NRP2: variants seen among roughly 807,000 people sequenced by gnomAD.
NRP2 encodes the protein neuropilin 2.
A neutral mutation model predicts 110.4 loss-of-function variants in NRP2; 52 were observed. The ratio of observed to expected loss-of-function variants is 0.47; its 90% confidence interval spans 0.38 to 0.59. The LOEUF is 0.59. Among genes scored for constraint, NRP2 ranks in the 20% least tolerant of loss-of-function variants. NRP2 has a pLI of 0.00. For synonymous variants in NRP2, 508 were observed against 468.9 expected, an observed-to-expected ratio of 1.08 and a Z score of -1.08; for missense variants, 1,049 against 1,203.0, an observed-to-expected ratio of 0.87 and a Z score of 1.89.
intron 16 of NRP2, among the ~76,000 whole-genome samples, chr2:205,793,631 T>G (rs967361632): frequency 2.0e-5 from 3 of 152,232 alleles, no homozygotes; most frequent in Non-Finnish European, 4.4e-5. Context: ...TCTCCTTGGC[T>G]TGGAGATGGC....
In NRP2 at chr2:205,753,953, G is replaced by T. The variant is rs189016142; in HGVS notation, c.2044+978G>T. Among the ~76,000 whole-genome samples the T allele has an allele frequency of 5.3e-5, 8 of 152,244 alleles. No homozygotes were observed. The East Asian group carries it at 1.5e-3, about 29-fold the overall frequency. On this transcript the variant is annotated intron_variant, in intron 12 of 16. Coordinates refer to ENST00000357785, the MANE Select transcript of NRP2 (RefSeq NM_003872.3). ...TAACTAGCAAGTGTTGAGTTTTGAG[G>T]ATTTGTTACCTTTGTTTTTTAATAC...
intron 15 of NRP2, 195 bp downstream of exon 15, chr2:205,766,998 G>C: frequency 1.6e-6 from 1 of 624,848 alleles, no homozygotes; most frequent in African/African-American, 1.8e-5. Context: ...GAGCCTCACT[G>C]TCTCTTGTTT....
chr2:205,727,428 G>A (rs762057504), intron 6 of NRP2, among the ~76,000 whole-genome samples: 17 of 152,228 alleles, frequency 1.1e-4, no homozygotes, highest in Non-Finnish European at 2.2e-4. Context: ...ACAATGGAGC[G>A]AGAGGGTGTG....
chr2:205,742,156 G>A (rs1239292148), intron 8 of NRP2, among the ~76,000 whole-genome samples: 1 of 152,204 alleles, frequency 6.6e-6, no homozygotes, highest in African/African-American at 2.4e-5. Flanking sequence ...TGAAGAAGGG[G>A]AACAACGTGG....
intron 10 of NRP2, among the ~76,000 whole-genome samples, chr2:205,748,692 T>C (rs982838713): frequency 5.9e-5 from 9 of 152,052 alleles, no homozygotes; most frequent in Non-Finnish European, 8.8e-5. Context: ...CAAAGGAGCA[T>C]GTATAGAAAT....
chr2:205,749,625 A>G (rs1423385488), intron 10 of NRP2, 100 bp from the exon 11 acceptor site: 3 of 946,008 alleles, frequency 3.2e-6, no homozygotes, highest in East Asian at 2.4e-5. Flanking sequence ...ACATGTGTGC[A>G]TCTTCTTTCC....
chr2:205,730,983 G>A (rs2057227930), intron 7 of NRP2, among the ~76,000 whole-genome samples: 1 of 152,238 alleles, frequency 6.6e-6, no homozygotes, highest in Non-Finnish European at 1.5e-5. Context: ...TCGCCTATGA[G>A]AAAGTGGTCA....
intron 15 of NRP2, chr2:205,776,962 A>C: frequency 9.0e-7 from 1 of 1,115,438 alleles, no homozygotes; most frequent in Non-Finnish European, 1.1e-6. Flanking sequence ...GTGTGTGTGA[A>C]TAGCTCTCTG....
rs140561530 is a variant in NRP2 at position 205,755,707 on chromosome 2, G to T, written c.2044+2732G>T. 6.3e-3 allele frequency among the ~76,000 whole-genome samples: 962 copies of T among 152,222 alleles called. 2 individuals carry two copies. Among genetic ancestry groups the T allele is most frequent in the Non-Finnish European group, 0.01 (714 of 68,006 alleles). ...GAGCAACTGCTAATGGGTTCAGAGC[G>T]GCTGGCGCCCACAGAGTCAGCCTGA... On this transcript the variant is annotated intron_variant, in intron 12 of 16. Transcript: ENST00000357785.
chr2:205,745,808 A>C lies in NRP2; in HGVS notation c.1704A>C (p.Ala568=). The C allele has an allele frequency of 6.2e-7, 1 of 1,614,190 alleles. No individual in the cohort carries two copies. Among genetic ancestry groups the C allele is most frequent in the South Asian group, 1.1e-5 (1 of 91,078 alleles). The change falls in exon 10 of 17, where the codon GCA becomes GCC. Residue 568 remains alanine, a synonymous_variant. Transcript: ENST00000357785. ...PDIRRFDPIP[A]QYVRVYPERW... ...TCCGAAGGTTTGACCCCATTCCGGC[A>C]CAGTATGTGCGGGTATACCCGGAGA...
In NRP2 at chr2:205,686,010, A is replaced by G. The variant is rs2105857208; in HGVS notation, c.73+2647A>G. Among the ~76,000 whole-genome samples, 1 of 152,280 alleles carries G rather than the reference A, an allele frequency of 6.6e-6. No individual in the cohort carries two copies. Among genetic ancestry groups the G allele is most frequent in the East Asian group, 1.9e-4 (1 of 5,160 alleles). ...GCCATCCACGTGGTGGGGACGTGATAGCCCCTCAGCTCTCCTCCTAGCCCT... is the reference window on the plus strand; with the variant it reads ...GCCATCCACGTGGTGGGGACGTGATGGCCCCTCAGCTCTCCTCCTAGCCCT... On this transcript the variant is annotated intron_variant, in intron 1 of 16. Transcript: ENST00000357785. This position sits in a 1 kb window ranked among gnomAD's most constrained non-coding sequence, Gnocchi z 4.7.
intron 1 of NRP2, among the ~76,000 whole-genome samples, chr2:205,688,940 G>A (rs758340307): frequency 3.3e-5 from 5 of 152,000 alleles, no homozygotes; most frequent in African/African-American, 4.8e-5. Flanking sequence ...CGCCCTCCCC[G>A]GCCCCATGCC....
intron 13 of NRP2, 139 bp downstream of exon 13, chr2:205,764,075 C>T (rs533875246): frequency 6.0e-5 from 65 of 1,086,332 alleles, no homozygotes; most frequent in Admixed American, 5.0e-4. Context: ...GAATGACACT[C>T]TTATTTGTTA....
chr2:205,770,071 G>A (rs2057996074), intron 15 of NRP2, among the ~76,000 whole-genome samples: 1 of 152,188 alleles, frequency 6.6e-6, no homozygotes, highest in Admixed American at 6.5e-5. Flanking sequence ...GCAGAGAGAC[G>A]ATCTGGTGCC....
chr2:205,751,552 T>G (rs1431925308), intron 11 of NRP2, among the ~76,000 whole-genome samples: 1 of 152,170 alleles, frequency 6.6e-6, no homozygotes, highest in African/African-American at 2.4e-5. Flanking sequence ...TCTTCTAAAC[T>G]CAAGCTGACT....
At chr2:205,743,713 C>A in intron 9 of NRP2, 161 bp downstream of exon 9, 2 of 1,384,646 alleles carry the variant, frequency 1.4e-6, no homozygotes, top group Non-Finnish European at 1.9e-6. Flanking sequence ...GTGCCAGGCA[C>A]TGTGCTAAAT....
intron 5 of NRP2, among the ~76,000 whole-genome samples, chr2:205,724,431 T>C (rs1055397358): frequency 1.3e-5 from 2 of 152,124 alleles, no homozygotes; most frequent in African/African-American, 4.8e-5. Flanking sequence ...CCTGACTAGA[T>C]TGGTACAACT....
chr2:205,787,212 G>T (rs930561065), intron 15 of NRP2, among the ~76,000 whole-genome samples: 8 of 152,146 alleles, frequency 5.3e-5, no homozygotes, highest in Admixed American at 4.6e-4. Flanking sequence ...CCACATGGGA[G>T]GTAGGCATTC....
Position 205,722,205 on chromosome 2 carries a change from A to G in NRP2, c.434-273A>G, listed in dbSNP as rs2057033722. The G allele has an allele frequency of 2.4e-5, 12 of 496,646 alleles. No individual in the cohort carries two copies. The South Asian group carries it at 2.4e-4, about 10-fold the overall frequency. 30.8% of individuals were successfully genotyped at this position (496,646 alleles called of 1,614,324 possible). On this transcript the variant is annotated intron_variant, in intron 3 of 16. Transcript: ENST00000357785. The stretch of plus-strand genomic sequence containing the variant: ...CACACACACACACACACACACACAC[A>G]CACACACTTCTCTGTACCTCCACCC...
Sources: allele counts gnomAD v4.1 joint callset (sites outside exome capture counted in the v4.1 genomes callset), GRCh38; gene constraint gnomAD v4.1.1; non-coding constraint Gnocchi (gnomAD v3.1); transcripts MANE v1.5; gene names NCBI Gene and HGNC (gene_info 2026-07-23, HGNC 2026-07-21).